CREB5: variants seen among roughly 807,000 people sequenced by gnomAD.
CREB5 encodes the protein cyclic AMP-responsive element-binding protein 5.
A neutral mutation model predicts 57.1 loss-of-function variants in CREB5; 19 were observed. That is an observed-to-expected ratio of 0.33 (90% CI 0.23 to 0.49). CREB5 has a LOEUF of 0.49. CREB5 is among the 20% of genes least tolerant of loss of function. The pLI is 0.99. For missense variants in CREB5, 579 were observed against 671.6 expected (o/e 0.86, Z 1.52); for synonymous variants, 238 against 238.3 (o/e 1.00, Z 0.01).
chr7:28,485,491 C>T (rs1376560640), intron 1 of CREB5, among the ~76,000 whole-genome samples: 2 of 151,798 alleles, frequency 1.3e-5, no homozygotes, highest in East Asian at 3.9e-4. Flanking sequence ...AGTGAAGTTT[C>T]GGTAACACTT....
chr7:28,801,407 T>A (rs1161287523), intron 7 of CREB5, among the ~76,000 whole-genome samples: 1 of 152,186 alleles, frequency 6.6e-6, no homozygotes. Flanking sequence ...CAACATAACC[T>A]CTTTTCATAT....
chr7:28,798,117 T>C (rs1275800528), intron 7 of CREB5, among the ~76,000 whole-genome samples: 1 of 152,200 alleles, frequency 6.6e-6, no homozygotes, highest in East Asian at 1.9e-4. Context: ...TTTTGATACT[T>C]TCACATTTTT....
intron 1 of CREB5, among the ~76,000 whole-genome samples, chr7:28,321,722 G>A (rs1785498539): frequency 6.6e-6 from 1 of 152,176 alleles, no homozygotes. Flanking sequence ...AGGAGCAGAG[G>A]CCCCAAGCCC....
intron 7 of CREB5, among the ~76,000 whole-genome samples, chr7:28,747,864 CT>C (rs1804769466): frequency 6.6e-6 from 1 of 152,206 alleles, no homozygotes; most frequent in South Asian, 2.1e-4. Flanking sequence ...AAGGGCGCCC[CT>C]CCCCTGAAGA....
chr7:28,552,218 T>G (rs112983710), intron 4 of CREB5, among the ~76,000 whole-genome samples: 10,361 of 152,184 alleles, frequency 0.068, 507 homozygotes, highest in Non-Finnish European at 0.11. Context: ...TTGTATATTT[T>G]GTAGAGACGG....
chr7:28,716,690 A>G (rs1405334234), intron 5 of CREB5, among the ~76,000 whole-genome samples: 2 of 152,230 alleles, frequency 1.3e-5, no homozygotes, highest in Admixed American at 6.5e-5. Context: ...CAAAACATTA[A>G]GACCGGAGGA....
chr7:28,599,091 A>G (rs1333530129), intron 5 of CREB5, among the ~76,000 whole-genome samples: 1 of 152,184 alleles, frequency 6.6e-6, no homozygotes, highest in African/African-American at 2.4e-5. Flanking sequence ...ACATGAGATT[A>G]AAAACACTCC....
chr7:28,358,137 A>G (rs1189914881), intron 1 of CREB5, among the ~76,000 whole-genome samples: 1 of 152,180 alleles, frequency 6.6e-6, no homozygotes, highest in Non-Finnish European at 1.5e-5. Context: ...TGAAGTCCAA[A>G]AGAAATGAAG....
intron 1 of CREB5, among the ~76,000 whole-genome samples, chr7:28,308,572 G>A (rs549388151): frequency 6.6e-6 from 1 of 152,160 alleles, no homozygotes; most frequent in African/African-American, 2.4e-5. Context: ...CAGGCTGCCT[G>A]GTTCCGGTAT....
chr7:28,391,812 C>G (rs186051805), intron 1 of CREB5, among the ~76,000 whole-genome samples: 1 of 152,318 alleles, frequency 6.6e-6, no homozygotes, highest in Admixed American at 6.5e-5. Context: ...TCTTTACCTT[C>G]TATGTAATAA....
chr7:28,668,512 A>T (rs1799913802), intron 5 of CREB5, among the ~76,000 whole-genome samples: 1 of 152,182 alleles, frequency 6.6e-6, no homozygotes, highest in Non-Finnish European at 1.5e-5. Flanking sequence ...TGCTATGGCC[A>T]ATGAAATATA....
chr7:28,307,675 C>G (rs543747737), intron 1 of CREB5, among the ~76,000 whole-genome samples: 29 of 152,350 alleles, frequency 1.9e-4, no homozygotes, highest in African/African-American at 6.7e-4. Context: ...GAGCTGAAAC[C>G]TGTCATCTCT....
intron 7 of CREB5, among the ~76,000 whole-genome samples, chr7:28,788,743 C>A (rs759650337): frequency 9.9e-5 from 15 of 151,734 alleles, no homozygotes; most frequent in Admixed American, 5.3e-4. Flanking sequence ...CAAGTGTTTG[C>A]CAGTTGGAAG....
intron 4 of CREB5, among the ~76,000 whole-genome samples, chr7:28,510,544 T>G (rs1044681777): frequency 5.9e-5 from 9 of 152,238 alleles, no homozygotes; most frequent in Non-Finnish European, 1.5e-5. Flanking sequence ...AACTTCTAGC[T>G]GCAGTTGGTC....
At chr7:28,769,706 T>G (rs1419370122) in intron 7 of CREB5, among the ~76,000 whole-genome samples, 1 of 152,194 alleles carries the variant, frequency 6.6e-6, no homozygotes, top group Non-Finnish European at 1.5e-5. Context: ...TGTAATTTTT[T>G]GTCCTTATAG....
intron 5 of CREB5, among the ~76,000 whole-genome samples, chr7:28,576,322 G>A (rs1795908324): frequency 6.6e-6 from 1 of 152,216 alleles, no homozygotes; most frequent in Admixed American, 6.5e-5. Context: ...GTTATTTCCT[G>A]TAATTCTTCA....
chr7:28,317,453 GC>G (rs1785404519), intron 1 of CREB5, among the ~76,000 whole-genome samples: 1 of 152,172 alleles, frequency 6.6e-6, no homozygotes, highest in Non-Finnish European at 1.5e-5. Context: ...CTTCCTAATA[GC>G]CTTGACTTCC....
intron 7 of CREB5, among the ~76,000 whole-genome samples, chr7:28,735,764 T>C (rs6462103): frequency 0.92 from 139,387 of 152,050 alleles, 63,956 homozygotes; most frequent in Middle Eastern, 0.94. Context: ...ATTAAACATT[T>C]ACTGAGTGGT....
intron 1 of CREB5, among the ~76,000 whole-genome samples, chr7:28,481,912 C>G (rs552660162): frequency 7.4e-4 from 113 of 152,130 alleles, no homozygotes; most frequent in African/African-American, 2.7e-3. Flanking sequence ...AGAAAGATAC[C>G]AAGACAAACA....
Sources: allele counts gnomAD v4.1 joint callset (sites outside exome capture counted in the v4.1 genomes callset), GRCh38; gene constraint gnomAD v4.1.1; transcripts MANE v1.5; gene names NCBI Gene and HGNC (gene_info 2026-07-23, HGNC 2026-07-21).